Variants in TF observed in about 807,000 individuals in gnomAD.
TF encodes the protein transferrin.
A neutral mutation model predicts 82.4 loss-of-function variants in TF; 55 were observed. That is an observed-to-expected ratio of 0.67 (90% CI 0.54 to 0.84). The LOEUF is 0.84. Ranked by LOEUF, TF falls within the 40% of genes least tolerant of loss-of-function variation. TF has a pLI of 0.00. For missense variants in TF, 737 were observed against 868.4 expected, an observed-to-expected ratio of 0.85 and a Z score of 1.90; for synonymous variants, 332 against 332.6, an observed-to-expected ratio of 1.00 and a Z score of 0.02.
rs1200062035 is a variant in TF, at chr3:133,791,550, A to T, written c.*12930A>T. On this transcript the variant is annotated 3_prime_UTR_variant, in exon 17 of 17. Coordinates refer to ENST00000402696, the MANE Select transcript of TF (RefSeq NM_001063.4). ...CCTCTGTAAAGTTTTGATTAATATAAAAAAAGAATTCTGAGGCCGATCTTA... is the reference window on the plus strand; with the variant it reads ...CCTCTGTAAAGTTTTGATTAATATATAAAAAGAATTCTGAGGCCGATCTTA... The T allele has an allele frequency of 1.3e-5, 2 of 152,186 alleles. No homozygotes were observed. Among genetic ancestry groups the T allele is most frequent in the East Asian group, 1.9e-4 (1 of 5,204 alleles). The allele number at this position is 152,186 out of a possible 1,614,324, so 9.4% of individuals were successfully genotyped here.
At chr3:133,754,403 C>T in intron 3 of TF, 92 bp from the exon 4 acceptor site, 1 of 1,359,804 alleles carries the variant, frequency 7.4e-7, no homozygotes, top group Admixed American at 1.7e-5. Flanking sequence ...CATGGCCTCT[C>T]CGCTCCCCTC....
At chr3:133,676,181 C>T in the TF span, among the ~76,000 whole-genome samples, 5 of 152,294 alleles carry the variant, frequency 3.3e-5, no homozygotes, top group South Asian at 1.0e-3. Flanking sequence ...TGAGATCCAC[C>T]TGTCACTCAC....
intron 11 of TF, among the ~76,000 whole-genome samples, chr3:133,765,883 C>T (rs1934115006): frequency 6.6e-6 from 1 of 152,090 alleles, no homozygotes; most frequent in Admixed American, 6.5e-5. Context: ...TTCTCTTTTG[C>T]TTATTGATCT....
In TF at chr3:133,787,541, A is replaced by G. The variant is rs1490865957; in HGVS notation, c.*8921A>G. On this transcript the variant is annotated 3_prime_UTR_variant, in exon 17 of 17. Transcript: ENST00000402696. Reference sequence around the variant, plus strand: ...ATGCTTGATGTATTTAAAAGTAGAAATAGTATAATAACACTTTTTGTAAAT... The same window carrying G: ...ATGCTTGATGTATTTAAAAGTAGAAGTAGTATAATAACACTTTTTGTAAAT... 6.6e-6 allele frequency: 1 copy of G among 152,260 alleles called. No individual in the cohort carries two copies. Among genetic ancestry groups the G allele is most frequent in the Non-Finnish European group, 1.5e-5 (1 of 68,040 alleles). The allele number at this position is 152,260 out of a possible 1,614,324, so 9.4% of individuals were successfully genotyped here. A position where few individuals can be genotyped will look rare whatever the true frequency, so the allele number is the denominator to read the frequency against.
the TF span, among the ~76,000 whole-genome samples, chr3:133,694,862 AT>A: frequency 9.5e-6 from 1 of 105,544 alleles, no homozygotes; most frequent in Non-Finnish European, 2.0e-5. Context: ...TTATTTATTT[AT>A]TTATTTATTT....
chr3:133,732,414 A>T, the TF span, among the ~76,000 whole-genome samples: 1 of 152,186 alleles, frequency 6.6e-6, no homozygotes, highest in Non-Finnish European at 1.5e-5. Flanking sequence ...GCACTCTATA[A>T]AATGGACCAA....
At chr3:133,668,856 C>T in the TF span, among the ~76,000 whole-genome samples, 2 of 152,160 alleles carry the variant, frequency 1.3e-5, no homozygotes, top group Admixed American at 1.3e-4. Context: ...GCACAAAAAC[C>T]CTTGTTTGCA....
At chr3:133,727,262 G>A in the TF span, among the ~76,000 whole-genome samples, 1 of 151,938 alleles carries the variant, frequency 6.6e-6, no homozygotes, top group African/African-American at 2.4e-5. Context: ...GGGTGTTAAA[G>A]TCTCCCATTA....
chr3:133,737,949 C>G, the TF span, among the ~76,000 whole-genome samples: 1 of 152,196 alleles, frequency 6.6e-6, no homozygotes, highest in East Asian at 1.9e-4. Context: ...GGGACTCCCC[C>G]CAACTCATTT....
chr3:133,734,299 T>C, the TF span, among the ~76,000 whole-genome samples: 3 of 152,170 alleles, frequency 2.0e-5, no homozygotes, highest in Middle Eastern at 3.2e-3. Context: ...AAAGGTTACG[T>C]CCGTCACCTT....
chr3:133,776,875 C>T (rs960955454), intron 15 of TF, among the ~76,000 whole-genome samples, 174 bp from the exon 16 acceptor site: 4 of 152,082 alleles, frequency 2.6e-5, no homozygotes, highest in African/African-American at 9.7e-5. Context: ...AAGCATGCAG[C>T]TGGGGCCCTA....
At chr3:133,774,712 T>C in intron 14 of TF, 1 of 200,530 alleles carries the variant, frequency 5.0e-6, no homozygotes, top group East Asian at 1.2e-4. Flanking sequence ...ATCTCATGTA[T>C]TAGTTATTCG....
chr3:133,695,817 C>T, the TF span, among the ~76,000 whole-genome samples: 78 of 152,246 alleles, frequency 5.1e-4, no homozygotes, highest in Admixed American at 8.5e-4. Flanking sequence ...GAACACAAGC[C>T]CTTTGATACC....
chr3:133,739,597 G>A, the TF span, among the ~76,000 whole-genome samples: 955 of 151,780 alleles, frequency 6.3e-3, 6 homozygotes, highest in African/African-American at 0.021. Flanking sequence ...AGAATCTACA[G>A]GGAACATAAA....
the TF span, among the ~76,000 whole-genome samples, chr3:133,677,800 C>T: frequency 6.6e-6 from 1 of 152,012 alleles, no homozygotes; most frequent in African/African-American, 2.4e-5. Flanking sequence ...CCTCCTATCT[C>T]ACCCTCCTCA....
chr3:133,671,041 T>G, the TF span, among the ~76,000 whole-genome samples: 50 of 152,316 alleles, frequency 3.3e-4, no homozygotes, highest in African/African-American at 1.2e-3. Context: ...TTGGCACAAT[T>G]TGAAGTTCCA....
chr3:133,666,026 G>T, the TF span, among the ~76,000 whole-genome samples: 154 of 151,276 alleles, frequency 1.0e-3, no homozygotes, highest in African/African-American at 3.6e-3. Context: ...GTGGGAATAT[G>T]AATATTTATT....
rs2107914173 is a variant in TF at position 133,754,684 on chromosome 3, G to A, written c.502+13G>A. 1 of 1,614,034 alleles carries A rather than the reference G, an allele frequency of 6.2e-7. No individual in the cohort carries two copies. The highest frequency in any genetic ancestry group is 2.2e-5 in the East Asian group (1 of 44,888). ...CCTCTTGAGAAAGGTAAGCTGGCAG[G>A]AGTCTGGGTGCCCTCGAGCAGCTGC... On this transcript the variant is annotated intron_variant, in intron 4 of 16. Coordinates refer to ENST00000402696, the MANE Select transcript of TF (RefSeq NM_001063.4).
rs929779109 is a variant in TF, at chr3:133,794,403, T to C, written c.*15783T>C. On this transcript the variant is annotated 3_prime_UTR_variant, in exon 17 of 17. Coordinates refer to ENST00000402696, the MANE Select transcript of TF (RefSeq NM_001063.4). ...CATTTTATAGAGGGATTTTATTCAA[T>C]TGTTATTTTCAGTGCATGTTTTCTG... 6.6e-6 allele frequency: 1 copy of C among 152,228 alleles called. No individual in the cohort carries two copies. Among genetic ancestry groups the C allele is most frequent in the Non-Finnish European group, 1.5e-5 (1 of 68,042 alleles). 9.4% of individuals were successfully genotyped at this position (152,228 alleles called of 1,614,324 possible). A position where few individuals can be genotyped will look rare whatever the true frequency, so the allele number is the denominator to read the frequency against.
Sources: allele counts gnomAD v4.1 joint callset (sites outside exome capture counted in the v4.1 genomes callset), GRCh38; gene constraint gnomAD v4.1.1; transcripts MANE v1.5; gene names NCBI Gene and HGNC (gene_info 2026-07-23, HGNC 2026-07-21).